SLC48A1: variants seen among roughly 807,000 people sequenced by gnomAD.
The protein encoded by SLC48A1 is heme transporter HRG1.
SLC48A1 carries 6 observed loss-of-function variants against 14.8 expected under a neutral mutation model. The ratio of observed to expected loss-of-function variants is 0.41; its 90% CI spans 0.22 to 0.80. The LOEUF is 0.80. SLC48A1 is among the 30% of genes least tolerant of loss of function. The pLI is 0.34. For synonymous variants in SLC48A1, 89 were observed against 90.0 expected, an observed-to-expected ratio of 0.99 and a Z score of 0.06; for missense variants, 165 against 204.8, an observed-to-expected ratio of 0.81 and a Z score of 1.19.
At chr12:47,758,087 C>T (rs567409968), upstream of SLC48A1, 9 of 1,556,660 alleles carry the variant, frequency 5.8e-6, no homozygotes, top group South Asian at 3.5e-5. Context: ...ACCTGTGACA[C>T]GGGGAGGAAA....
upstream of SLC48A1, among the ~76,000 whole-genome samples, chr12:47,770,587 A>G (rs2136857852): frequency 6.6e-6 from 1 of 152,318 alleles, no homozygotes; most frequent in Middle Eastern, 3.4e-3. Flanking sequence ...TGCAGTCTCC[A>G]TTTTAAAGAC....
upstream of SLC48A1, chr12:47,757,714 C>A (rs1942166072): frequency 2.8e-6 from 2 of 716,218 alleles, no homozygotes; most frequent in African/African-American, 3.6e-5. Context: ...ACGCACACTG[C>A]AGACAAGCTT....
rs1454990004 is a variant in SLC48A1, at chr12:47,779,056, G to A, written c.165G>A (p.Thr55=). The change falls in exon 2 of 3, where the codon ACG becomes ACA. Residue 55 remains threonine, a synonymous_variant. Coordinates refer to ENST00000442218, the MANE Select transcript of SLC48A1 (RefSeq NM_017842.3). ...AGVLALWVLV[T]HVMYMQDYWR... is the part of the protein sequence containing the mutation. ...TGCTGGCACTGTGGGTCCTGGTGAC[G>A]CACGTGATGTACATGCAAGATTATT... 3.9e-6 allele frequency: 6 copies of A among 1,551,654 alleles called. No homozygotes were observed. The African/African-American group carries it at 4.1e-5, about 11-fold the overall frequency.
chr12:47,762,737 G>A (rs1942413973), intron 2 of SLC48A1, among the ~76,000 whole-genome samples: 1 of 152,228 alleles, frequency 6.6e-6, no homozygotes, highest in Non-Finnish European at 1.5e-5. Flanking sequence ...GACTCAGGCA[G>A]TCTAACTGCA....
chr12:47,756,861 C>T (rs2136824029), upstream of SLC48A1, among the ~76,000 whole-genome samples: 1 of 151,812 alleles, frequency 6.6e-6, no homozygotes, highest in African/African-American at 2.4e-5. Context: ...CCCAGCTACT[C>T]AGGAAGCTGA....
chr12:47,773,196 G>T (rs967460590), upstream of SLC48A1: 23 of 1,010,096 alleles, frequency 2.3e-5, no homozygotes, highest in South Asian at 4.5e-5. Context: ...GGCGGAGCGC[G>T]GGGCGCCGGC....
chr12:47,760,119 C>A (rs7138076), intron 1 of SLC48A1: 2 of 771,262 alleles, frequency 2.6e-6, no homozygotes, highest in African/African-American at 1.9e-5. Context: ...AAAATGTTTC[C>A]CAGAAGCTTA....
chr12:47,756,523 ACT>A (rs1942061793), upstream of SLC48A1: 1 of 151,774 alleles, frequency 6.6e-6, no homozygotes, highest in South Asian at 2.1e-4. Flanking sequence ...TGACATGTGG[ACT>A]CTCCTCTCAA....
rs531603776 is a variant in SLC48A1, at chr12:47,758,675, A to C, written c.-373+15A>C. On this transcript the variant is annotated intron_variant, in intron 1 of 4. Coordinates refer to the SLC48A1 transcript ENST00000547002. Reference sequence around the variant, plus strand: ...GGTGCCAGTGGGTAAGTCCAGGTACAGTGAACTGGGCCAGTGCCTAGCTGG... The same window carrying C: ...GGTGCCAGTGGGTAAGTCCAGGTACCGTGAACTGGGCCAGTGCCTAGCTGG... The C allele has an allele frequency of 2.6e-6, 4 of 1,521,222 alleles. No individual in the cohort carries two copies. The Admixed American group carries it at 7.7e-5, about 29-fold the overall frequency. The allele number at this position is 1,521,222 out of a possible 1,614,324, so 94.2% of individuals were successfully genotyped here. A position where few individuals can be genotyped will look rare whatever the true frequency, so the allele number is the denominator to read the frequency against.
chr12:47,780,449 C>A lies in SLC48A1; in HGVS notation c.*168C>A. On this transcript the variant is annotated 3_prime_UTR_variant, in exon 3 of 3. Transcript: ENST00000442218. ...GGAAGCTGTCCTGCCCGTCCCCTTT[C>A]GAGGAAACCTGAGTGTGGTAGAGAG... 9.4e-7 allele frequency: 1 copy of A among 1,066,710 alleles called. No homozygotes were observed. The highest frequency in any genetic ancestry group is 1.5e-6 in the Non-Finnish European group (1 of 680,908). The allele number at this position is 1,066,710 out of a possible 1,614,324, so 66.1% of individuals were successfully genotyped here.
upstream of SLC48A1, chr12:47,757,875 C>A: frequency 1.3e-6 from 2 of 1,554,638 alleles, no homozygotes; most frequent in Non-Finnish European, 1.7e-6. Flanking sequence ...CCCAGCGCAG[C>A]CCCTGGATGC....
In SLC48A1 at chr12:47,777,465, C is replaced by A. The variant is rs1168855806; in HGVS notation, c.137-1563C>A. ...GGCCCAGTTACCTAAACTGGCAGGA[C>A]CCCTGGGCCCACCCATTTTTAGATG... On this transcript the variant is annotated intron_variant, in intron 1 of 2. Transcript: ENST00000442218. This position sits in a 1 kb window ranked among gnomAD's most constrained non-coding sequence, Gnocchi z 4.5. 6.6e-6 allele frequency among the ~76,000 whole-genome samples: 1 copy of A among 152,164 alleles called. No homozygotes were observed. Among genetic ancestry groups the A allele is most frequent in the Non-Finnish European group, 1.5e-5 (1 of 68,036 alleles).
Position 47,777,384 on chromosome 12 carries a change from G to A in SLC48A1, c.137-1644G>A, listed in dbSNP as rs759350133. 3.3e-5 allele frequency among the ~76,000 whole-genome samples: 5 copies of A among 152,208 alleles called. No individual in the cohort carries two copies. Among genetic ancestry groups the A allele is most frequent in the Non-Finnish European group, 7.3e-5 (5 of 68,034 alleles). On this transcript the variant is annotated intron_variant, in intron 1 of 2. Transcript: ENST00000442218. The surrounding 1 kb of genome is among the most constrained non-coding windows in gnomAD (Gnocchi z 4.5). ...GTTCAGGGGGTCAAACGGTGGCAGG[G>A]GCTGAGGGAAGCTGTAGGCTTGGTA...
intron 2 of SLC48A1, among the ~76,000 whole-genome samples, chr12:47,764,083 A>C (rs1942455141): frequency 6.6e-6 from 1 of 152,184 alleles, no homozygotes; most frequent in Non-Finnish European, 1.5e-5. Flanking sequence ...TTACTGTTAC[A>C]GGAATGTATA....
chr12:47,763,810 G>A (rs978409986), intron 2 of SLC48A1, among the ~76,000 whole-genome samples: 5 of 152,358 alleles, frequency 3.3e-5, no homozygotes, highest in African/African-American at 1.2e-4. Context: ...GCAAGCTGGG[G>A]CTCACAGTCA....
chr12:47,763,153 G>A (rs1942425480), intron 2 of SLC48A1, among the ~76,000 whole-genome samples: 2 of 114,690 alleles, frequency 1.7e-5, no homozygotes, highest in Non-Finnish European at 2.1e-5. Context: ...AGGGAGAGGA[G>A]CTAGTTTCCC....
At chr12:47,766,635 C>T (rs1318277754), upstream of SLC48A1, among the ~76,000 whole-genome samples, 1 of 152,116 alleles carries the variant, frequency 6.6e-6, no homozygotes, top group African/African-American at 2.4e-5. Flanking sequence ...CAGGCAGCTG[C>T]ACCTGTGATC....
rs891568232 is a variant in SLC48A1 at position 47,777,918 on chromosome 12, T to C, written c.137-1110T>C. Among the ~76,000 whole-genome samples the C allele has an allele frequency of 2.0e-5, 3 of 152,178 alleles. No homozygotes were observed. The highest frequency in any genetic ancestry group is 4.4e-5 in the Non-Finnish European group (3 of 68,028). ...CCCAACCAGATGCTTATCCTTCCTG[T>C]GCACATTTGGTAACTACTCTGAGTG... On this transcript the variant is annotated intron_variant, in intron 1 of 2. Coordinates refer to ENST00000442218, the MANE Select transcript of SLC48A1 (RefSeq NM_017842.3). The surrounding 1 kb of genome is among the most constrained non-coding windows in gnomAD (Gnocchi z 4.5).
upstream of SLC48A1, chr12:47,768,885 A>G (rs960976925): frequency 1.3e-5 from 2 of 152,238 alleles, no homozygotes; most frequent in African/African-American, 2.4e-5. Flanking sequence ...TATTAGGATA[A>G]TAAGGTTAGC....
Sources: allele counts gnomAD v4.1 joint callset (sites outside exome capture counted in the v4.1 genomes callset), GRCh38; gene constraint gnomAD v4.1.1; non-coding constraint Gnocchi (gnomAD v3.1); transcripts MANE v1.5; gene names NCBI Gene and HGNC (gene_info 2026-07-23, HGNC 2026-07-21).